Variants in SLC41A3 observed in about 807,000 individuals in gnomAD.
SLC41A3 encodes solute carrier family 41 member 3.
A neutral mutation model predicts 45.4 loss-of-function variants in SLC41A3; 44 were observed. That is an observed-to-expected ratio of 0.97 (90% CI 0.76 to 1.25). The LOEUF (loss-of-function observed/expected upper bound fraction) is 1.25. SLC41A3 is among the 50% of genes most tolerant of loss of function. The pLI, the probability that SLC41A3 is intolerant of heterozygous loss-of-function variation, is 0.00. For synonymous variants in SLC41A3, 256 were observed against 252.4 expected (o/e 1.01, Z -0.13); for missense variants, 550 against 600.6 (o/e 0.92, Z 0.88).
At chr3:126,007,834 C>A (rs889711599) in intron 10 of SLC41A3, among the ~76,000 whole-genome samples, 13 of 152,198 alleles carry the variant, frequency 8.5e-5, no homozygotes, top group African/African-American at 2.7e-4. Context: ...AGTACCAGCA[C>A]CACACCCATA....
At chr3:126,055,935 T>C (rs975077099) in intron 2 of SLC41A3, among the ~76,000 whole-genome samples, 1 of 152,098 alleles carries the variant, frequency 6.6e-6, no homozygotes, top group Admixed American at 6.5e-5. Flanking sequence ...ACAGACTCAG[T>C]CATCTGGTCC....
intron 5 of SLC41A3, chr3:126,023,198 T>G (rs1941056130): frequency 2.5e-6 from 1 of 398,778 alleles, no homozygotes; most frequent in Non-Finnish European, 4.5e-6. Context: ...TGCTAAGGAG[T>G]GACCCGTGGC....
chr3:126,020,375 C>T (rs769546448), intron 6 of SLC41A3, among the ~76,000 whole-genome samples: 2 of 152,208 alleles, frequency 1.3e-5, no homozygotes, highest in Non-Finnish European at 2.9e-5. Flanking sequence ...TATTAGCTCC[C>T]AGCTCCCTTT....
At chr3:126,057,392 T>C (rs574379791) in intron 2 of SLC41A3, among the ~76,000 whole-genome samples, 2 of 152,302 alleles carry the variant, frequency 1.3e-5, no homozygotes, top group South Asian at 4.1e-4. Flanking sequence ...GGAAGCCACC[T>C]CTGACTCCTG....
chr3:126,097,258 G>A (rs1160718890), intron 1 of SLC41A3, among the ~76,000 whole-genome samples: 1 of 152,166 alleles, frequency 6.6e-6, no homozygotes, highest in East Asian at 1.9e-4. Context: ...TTCCAGTGGA[G>A]TGTGCCCCCG....
chr3:126,048,518 C>A (rs1287084974), intron 3 of SLC41A3, among the ~76,000 whole-genome samples: 1 of 152,166 alleles, frequency 6.6e-6, no homozygotes, highest in Non-Finnish European at 1.5e-5. Context: ...CTTAGATTTT[C>A]CAAGAAGGCA....
In SLC41A3 at chr3:126,026,533, TC is replaced by T; in HGVS notation, c.454-55del. The T allele has an allele frequency of 6.4e-6, 10 of 1,571,936 alleles. 1 individual carries two copies. The highest frequency in any genetic ancestry group is 1.3e-5 in the African/African-American group (1 of 74,182). ...GGGGGCCCCGGGGCCACAGCCACAC[TC>T]CCTGCCCTTCACACCTCACTCACCG... On this transcript the variant is annotated intron_variant, in intron 4 of 10. Transcript: ENST00000360370. This position sits in a 1 kb window ranked among gnomAD's most constrained non-coding sequence, Gnocchi z 4.2.
At chr3:126,070,934 T>C (rs775707916) in intron 1 of SLC41A3, among the ~76,000 whole-genome samples, 5 of 152,164 alleles carry the variant, frequency 3.3e-5, no homozygotes, top group African/African-American at 4.8e-5. Context: ...TAAGTTGTTA[T>C]TGATCCAAAC....
intron 3 of SLC41A3, among the ~76,000 whole-genome samples, chr3:126,039,902 C>T (rs954931696): frequency 6.6e-6 from 1 of 152,358 alleles, no homozygotes; most frequent in South Asian, 2.1e-4. Context: ...CTGAGAGGAA[C>T]TAGAAGTGTG....
chr3:126,016,445 T>G (rs948040934), intron 7 of SLC41A3, among the ~76,000 whole-genome samples: 1 of 152,230 alleles, frequency 6.6e-6, no homozygotes, highest in East Asian at 1.9e-4. Flanking sequence ...GGGGCTCCAG[T>G]GCACTCCAGT....
intron 1 of SLC41A3, among the ~76,000 whole-genome samples, chr3:126,075,439 C>CTTTTTTTT (rs35369542): frequency 1.4e-5 from 2 of 147,266 alleles, no homozygotes; most frequent in Non-Finnish European, 1.5e-5. Context: ...TTCCAGTGGT[C>CTTTTTTTT]TTTTTTTTTT....
At position 126,077,793 on chromosome 3, in the gene SLC41A3, C is replaced by T. The variant is rs62263493; in HGVS notation, c.-28+6300G>A. ...CAGGGAGAAGCTGAGAGTCATGGCGCCTCTTGCCTCCTCCGTGCTTCCTTC... is the reference window on the plus strand; with the variant it reads ...CAGGGAGAAGCTGAGAGTCATGGCGTCTCTTGCCTCCTCCGTGCTTCCTTC... On this transcript the variant is annotated intron_variant, in intron 1 of 10. Transcript: ENST00000360370. 1.6e-3 allele frequency among the ~76,000 whole-genome samples: 240 copies of T among 152,318 alleles called. 1 individual carries two copies. The highest frequency in any genetic ancestry group is 2.7e-3 in the Non-Finnish European group (186 of 68,020).
intron 8 of SLC41A3, among the ~76,000 whole-genome samples, chr3:126,014,272 GA>G (rs1051845406): frequency 1.3e-4 from 20 of 151,008 alleles, no homozygotes; most frequent in African/African-American, 3.9e-4. Context: ...AAAGAAAAAG[GA>G]AAAAAAAACC....
intron 3 of SLC41A3, among the ~76,000 whole-genome samples, chr3:126,044,080 A>C (rs1039895116): frequency 1.6e-4 from 24 of 152,218 alleles, no homozygotes; most frequent in African/African-American, 5.8e-4. Context: ...AAGGACACAC[A>C]AAGGTTTATT....
In SLC41A3 at chr3:126,026,526, G is replaced by GC. The variant is rs779453785; in HGVS notation, c.454-48dup. On this transcript the variant is annotated intron_variant, in intron 4 of 10. Transcript: ENST00000360370. The surrounding 1 kb of genome is among the most constrained non-coding windows in gnomAD (Gnocchi z 4.2). ...CATGAAGGGGGGCCCCGGGGCCACA[G>GC]CCACACTCCCTGCCCTTCACACCTC... 415 of 1,581,898 alleles carry GC rather than the reference G, an allele frequency of 2.6e-4. 1 individual carries two copies. Among genetic ancestry groups the GC allele is most frequent in the Non-Finnish European group, 3.3e-4 (387 of 1,162,796 alleles).
chr3:126,052,091 A>T (rs1333115712), intron 2 of SLC41A3, among the ~76,000 whole-genome samples: 1 of 152,134 alleles, frequency 6.6e-6, no homozygotes, highest in East Asian at 1.9e-4. Flanking sequence ...TTCTTCCTGT[A>T]CCTTATCTAC....
intron 2 of SLC41A3, among the ~76,000 whole-genome samples, chr3:126,057,746 G>A (rs938366073): frequency 1.3e-5 from 2 of 152,046 alleles, no homozygotes; most frequent in Non-Finnish European, 1.5e-5. Context: ...TGTTCCCCTC[G>A]TGCCCCCAAT....
At chr3:126,063,559 T>C (rs1190088439) in intron 2 of SLC41A3, among the ~76,000 whole-genome samples, 3 of 152,186 alleles carry the variant, frequency 2.0e-5, no homozygotes, top group Non-Finnish European at 2.9e-5. Context: ...GGGCACAGGC[T>C]CTTGGCCCAG....
chr3:126,085,734 C>CT (rs1329622582), upstream of SLC41A3, among the ~76,000 whole-genome samples: 1 of 152,040 alleles, frequency 6.6e-6, no homozygotes, highest in Non-Finnish European at 1.5e-5. Flanking sequence ...AAATGAGAGA[C>CT]TGAGTTTTCT....
Sources: gnomAD v4.1 joint callset for allele counts (sites outside exome capture counted in the v4.1 genomes callset) on GRCh38, gnomAD v4.1.1 for gene constraint, Gnocchi (gnomAD v3.1) non-coding constraint, MANE v1.5 for transcripts, NCBI Gene and HGNC (gene_info 2026-07-23, HGNC 2026-07-21) for gene names.